Variants in NYAP2 observed in about 807,000 individuals in gnomAD.
The protein encoded by NYAP2 is neuronal tyrosine-phosphorylated phosphoinositide-3-kinase adaptor 2.
A neutral mutation model predicts 50.4 loss-of-function variants in NYAP2; 23 were observed. The observed-to-expected ratio is 0.46, with a 90% CI of 0.33 to 0.65. NYAP2 has a LOEUF of 0.65. Ranked by LOEUF, NYAP2 falls within the 30% of genes least tolerant of loss-of-function variation. NYAP2 has a pLI of 0.02. For synonymous variants in NYAP2, 394 were observed against 365.2 expected, an observed-to-expected ratio of 1.08 and a Z score of -0.90; for missense variants, 885 against 861.0, an observed-to-expected ratio of 1.03 and a Z score of -0.35.
At chr2:225,437,691 G>T (rs1171495338) in intron 3 of NYAP2, among the ~76,000 whole-genome samples, 1 of 152,160 alleles carries the variant, frequency 6.6e-6, no homozygotes, top group Non-Finnish European at 1.5e-5. Flanking sequence ...CTCAAACAGT[G>T]GGCTATGTGC....
chr2:225,491,380 C>A (rs1690405560), intron 3 of NYAP2, among the ~76,000 whole-genome samples: 1 of 152,144 alleles, frequency 6.6e-6, no homozygotes, highest in Admixed American at 6.5e-5. Context: ...GTCCTACCAC[C>A]TTTTATTATT....
At chr2:225,507,353 T>C (rs1180061540) in intron 3 of NYAP2, among the ~76,000 whole-genome samples, 2 of 152,188 alleles carry the variant, frequency 1.3e-5, no homozygotes, top group African/African-American at 4.8e-5. Context: ...TGTTTTTGTC[T>C]TCGAAAGGAA....
At chr2:225,603,012 G>A (rs979968702) in intron 5 of NYAP2, among the ~76,000 whole-genome samples, 1 of 151,870 alleles carries the variant, frequency 6.6e-6, no homozygotes, top group African/African-American at 2.4e-5. Context: ...TTGTTTTTGG[G>A]GATTACAATG....
At chr2:225,399,112 T>G (rs575494667), upstream of NYAP2, among the ~76,000 whole-genome samples, 39 of 152,170 alleles carry the variant, frequency 2.6e-4, no homozygotes, top group Non-Finnish European at 3.8e-4. Flanking sequence ...TGAAGGTCAT[T>G]TACAGTGAGT....
chr2:225,523,005 A>T (rs1691093278), intron 4 of NYAP2, among the ~76,000 whole-genome samples: 1 of 152,140 alleles, frequency 6.6e-6, no homozygotes, highest in Admixed American at 6.6e-5. Flanking sequence ...CAACCTGGAG[A>T]CAGTTGAAGA....
At chr2:225,436,142 G>A (rs1689372298) in intron 3 of NYAP2, among the ~76,000 whole-genome samples, 1 of 152,086 alleles carries the variant, frequency 6.6e-6, no homozygotes, top group South Asian at 2.1e-4. Flanking sequence ...CAGATTAATT[G>A]GTCAGATCAT....
At chr2:225,574,953 C>T (rs985822423) in intron 4 of NYAP2, among the ~76,000 whole-genome samples, 10 of 152,122 alleles carry the variant, frequency 6.6e-5, no homozygotes, top group African/African-American at 2.4e-4. Flanking sequence ...TCAGAAAAGT[C>T]TTCATGGCAA....
chr2:225,478,650 A>G (rs1433957779), intron 3 of NYAP2, among the ~76,000 whole-genome samples: 1 of 152,116 alleles, frequency 6.6e-6, no homozygotes, highest in Non-Finnish European at 1.5e-5. Context: ...GTGACCTTAA[A>G]TTTTTTCAAG....
At chr2:225,547,348 C>G (rs1574671139) in intron 4 of NYAP2, among the ~76,000 whole-genome samples, 1 of 152,208 alleles carries the variant, frequency 6.6e-6, no homozygotes, top group African/African-American at 2.4e-5. Flanking sequence ...ATGTGCCCTG[C>G]AAATCCACTG....
intron 6 of NYAP2, among the ~76,000 whole-genome samples, chr2:225,649,365 C>G (rs1024314223): frequency 1.3e-5 from 2 of 152,154 alleles, no homozygotes; most frequent in African/African-American, 2.4e-5. Flanking sequence ...CTTCCCACTT[C>G]AGATTTTGCT....
chr2:225,550,044 C>G (rs962171572), intron 4 of NYAP2, among the ~76,000 whole-genome samples: 1 of 151,288 alleles, frequency 6.6e-6, no homozygotes, highest in African/African-American at 2.4e-5. Flanking sequence ...AGAAAACAAT[C>G]CATGTGAACC....
rs75971424 is a variant in NYAP2, at chr2:225,507,390, A to G, written c.222-5981A>G. Reference sequence around the variant, plus strand: ...CAGTTCTCATAAGGAAACACACAACATCAATGCTGATGGATTTCAAGCAGA... The same window carrying G: ...CAGTTCTCATAAGGAAACACACAACGTCAATGCTGATGGATTTCAAGCAGA... On this transcript the variant is annotated intron_variant, in intron 3 of 6. Coordinates refer to ENST00000636099, the Ensembl canonical transcript of NYAP2. 6.0e-3 allele frequency among the ~76,000 whole-genome samples: 912 copies of G among 152,332 alleles called. 16 individuals carry two copies. Among genetic ancestry groups the G allele is most frequent in the Admixed American group, 0.038 (576 of 15,304 alleles).
chr2:225,636,789 T>G (rs765369489), intron 6 of NYAP2, among the ~76,000 whole-genome samples: 12 of 152,144 alleles, frequency 7.9e-5, no homozygotes, highest in Non-Finnish European at 1.5e-4. Flanking sequence ...CATGTGAACA[T>G]GCCTGGGCTA....
At chr2:225,407,798 A>T (rs1353489811) in intron 2 of NYAP2, among the ~76,000 whole-genome samples, 3 of 151,906 alleles carry the variant, frequency 2.0e-5, no homozygotes, top group African/African-American at 7.2e-5. Flanking sequence ...CAATTATACC[A>T]GTTTCTTATA....
At position 225,569,410 on chromosome 2, in the gene NYAP2, G is replaced by A. The variant is rs560893633; in HGVS notation, c.524-12531G>A. On this transcript the variant is annotated intron_variant, in intron 4 of 6. Coordinates refer to ENST00000636099, the Ensembl canonical transcript of NYAP2. ...CAACTCAATTCTGTGCTTTCAAAGA[G>A]AGAGGGGATTGAGAGAAAGGAGGAG... 3.9e-5 allele frequency among the ~76,000 whole-genome samples: 6 copies of A among 152,158 alleles called. No individual in the cohort carries two copies. The South Asian group carries it at 1.2e-3, about 32-fold the overall frequency.
chr2:225,411,377 G>T (rs1451851881), intron 3 of NYAP2, among the ~76,000 whole-genome samples: 1 of 152,060 alleles, frequency 6.6e-6, no homozygotes, highest in Non-Finnish European at 1.5e-5. Flanking sequence ...TAATGCAATG[G>T]CAAAGACTAA....
chr2:225,698,610 G>A, the NYAP2 span: 1,215 of 152,402 alleles, frequency 8.0e-3, 8 homozygotes, highest in Non-Finnish European at 0.012. Flanking sequence ...TCGGTCATAT[G>A]ATAATGAACT....
intron 4 of NYAP2, among the ~76,000 whole-genome samples, chr2:225,516,382 A>G (rs1690936090): frequency 6.6e-6 from 1 of 152,208 alleles, no homozygotes; most frequent in South Asian, 2.1e-4. Flanking sequence ...AATACTTGAT[A>G]GGTAGTGAGC....
At chr2:225,539,508 T>C (rs200433199) in intron 4 of NYAP2, among the ~76,000 whole-genome samples, 2 of 152,248 alleles carry the variant, frequency 1.3e-5, no homozygotes, top group East Asian at 1.9e-4. Context: ...CCAGCATCTA[T>C]TGATTCCTGA....
Sources: gnomAD v4.1 joint callset for allele counts (sites outside exome capture counted in the v4.1 genomes callset) on GRCh38, gnomAD v4.1.1 for gene constraint, MANE v1.5 for transcripts, NCBI Gene and HGNC (gene_info 2026-07-23, HGNC 2026-07-21) for gene names.